Variants in SYN3 observed in about 807,000 individuals in gnomAD.
The protein encoded by SYN3 is synapsin-3.
Under a neutral mutation model 65.8 loss-of-function variants are expected in SYN3, and 35 were observed. The ratio of observed to expected loss-of-function variants is 0.53; its 90% confidence interval spans 0.41 to 0.70. The LOEUF is 0.70. Among genes scored for constraint, SYN3 ranks in the 30% least tolerant of loss-of-function variants. The pLI is 0.00. For synonymous variants in SYN3, 270 were observed against 292.9 expected (o/e 0.92, Z 0.80); for missense variants, 680 against 749.0 (o/e 0.91, Z 1.08).
rs545879595 is a variant in SYN3, at chr22:33,013,908, C to T, written c.-162-7084G>A. Among the ~76,000 whole-genome samples, 33 of 150,574 alleles carry T rather than the reference C, an allele frequency of 2.2e-4. 1 individual carries two copies. The South Asian group carries it at 6.1e-3, about 28-fold the overall frequency. On this transcript the variant is annotated intron_variant, in intron 1 of 13. Coordinates refer to ENST00000358763, the MANE Select transcript of SYN3 (RefSeq NM_003490.4). ...TAGCAAATAGCAGAATTTTCCCCTCCTTTTTTTTTGGTCTGAGATGGGGTC... is the reference window on the plus strand; with the variant it reads ...TAGCAAATAGCAGAATTTTCCCCTCTTTTTTTTTTGGTCTGAGATGGGGTC...
chr22:32,776,248 G>C (rs1324843354), intron 6 of SYN3, among the ~76,000 whole-genome samples: 1 of 152,094 alleles, frequency 6.6e-6, no homozygotes, highest in Non-Finnish European at 1.5e-5. Context: ...ATTGAGACCA[G>C]TTTGGGACTT....
chr22:32,936,814 T>A (rs539324084), intron 3 of SYN3, among the ~76,000 whole-genome samples: 141 of 152,236 alleles, frequency 9.3e-4, no homozygotes, highest in African/African-American at 3.2e-3. Flanking sequence ...AAACTAAAAG[T>A]CCCATTTCTC....
At chr22:32,956,139 C>T (rs115699982) in intron 3 of SYN3, among the ~76,000 whole-genome samples, 1,757 of 132,666 alleles carry the variant, frequency 0.013, 44 homozygotes, top group African/African-American at 0.048. Flanking sequence ...GAACCTGTCC[C>T]CCTCCCAGCC....
intron 7 of SYN3, among the ~76,000 whole-genome samples, chr22:32,553,899 A>C (rs1028877312): frequency 2.6e-5 from 4 of 152,144 alleles, no homozygotes; most frequent in Admixed American, 2.6e-4. Flanking sequence ...TATGGGAGAA[A>C]GGCTGGCTTT....
In SYN3 at chr22:32,925,294, G is replaced by A. The variant is rs79254686; in HGVS notation, c.461+6096C>T. On this transcript the variant is annotated intron_variant, in intron 4 of 13. Transcript: ENST00000358763. ...AGGACACCAGTCATATTGGATTAAG[G>A]GCTCACACTACTCCAGTATAACTGC... 5.8e-3 allele frequency among the ~76,000 whole-genome samples: 878 copies of A among 152,166 alleles called. 25 individuals carry two copies. The East Asian group carries it at 0.073, about 13-fold the overall frequency.
intron 2 of SYN3, among the ~76,000 whole-genome samples, chr22:32,988,307 AAATAAT>A (rs58058197): frequency 0.041 from 5,843 of 142,508 alleles, 196 homozygotes; most frequent in African/African-American, 0.087. Flanking sequence ...CTCTGTCTCA[AAATAAT>A]AATAATAATA....
intron 6 of SYN3, among the ~76,000 whole-genome samples, chr22:32,627,969 C>T (rs1443028427): frequency 6.6e-6 from 1 of 152,150 alleles, no homozygotes; most frequent in Non-Finnish European, 1.5e-5. Context: ...GCTGGGACTA[C>T]AGGCACATGC....
chr22:32,566,004 G>A lies in SYN3; in HGVS notation c.775-24291C>T, dbSNP rs934014635. On this transcript the variant is annotated intron_variant, in intron 7 of 13. Transcript: ENST00000358763. ...TAGGATTACAGGCATAAGCCACCGC[G>A]CCCAGCCTATTTTATTTTTTTAGAG... Among the ~76,000 whole-genome samples the A allele has an allele frequency of 5.9e-5, 9 of 151,898 alleles. 1 individual carries two copies. Among genetic ancestry groups the A allele is most frequent in the East Asian group, 3.9e-4 (2 of 5,176 alleles).
intron 6 of SYN3, among the ~76,000 whole-genome samples, chr22:32,623,114 G>T (rs899968587): frequency 6.6e-6 from 1 of 152,022 alleles, no homozygotes; most frequent in African/African-American, 2.4e-5. Context: ...GAGCATGAAA[G>T]TGAGATTGTG....
chr22:32,928,146 C>A (rs1208135283), intron 4 of SYN3, among the ~76,000 whole-genome samples: 1 of 152,152 alleles, frequency 6.6e-6, no homozygotes. Flanking sequence ...CTGGCTAACA[C>A]GGTGAAACCC....
At chr22:32,680,967 T>A (rs991349108) in intron 6 of SYN3, among the ~76,000 whole-genome samples, 1 of 152,234 alleles carries the variant, frequency 6.6e-6, no homozygotes, top group Non-Finnish European at 1.5e-5. Flanking sequence ...TCTCCACATA[T>A]CTTCACTTGT....
intron 6 of SYN3, among the ~76,000 whole-genome samples, chr22:32,711,882 C>T (rs2060971121): frequency 6.6e-6 from 1 of 152,280 alleles, no homozygotes; most frequent in South Asian, 2.1e-4. Context: ...AGGTGGAGAA[C>T]GAGGTACAGG....
At chr22:32,928,440 TG>T (rs2050538338) in intron 4 of SYN3, among the ~76,000 whole-genome samples, 1 of 152,250 alleles carries the variant, frequency 6.6e-6, no homozygotes, top group African/African-American at 2.4e-5. Context: ...AGCCTACAGT[TG>T]GGCAAAATCT....
At chr22:32,849,566 G>A in intron 6 of SYN3, 1 of 1,591,684 alleles carries the variant, frequency 6.3e-7, no homozygotes, top group African/African-American at 1.3e-5. Flanking sequence ...GCTCCGGGAA[G>A]GTTTTTGGGT....
At chr22:32,580,086 G>A (rs991236483) in intron 7 of SYN3, among the ~76,000 whole-genome samples, 1 of 152,248 alleles carries the variant, frequency 6.6e-6, no homozygotes, top group Non-Finnish European at 1.5e-5. Flanking sequence ...GCGGGGAGGG[G>A]AGCTGAGGTC....
At chr22:32,872,037 G>A (rs2048864450) in intron 4 of SYN3, among the ~76,000 whole-genome samples, 1 of 152,022 alleles carries the variant, frequency 6.6e-6, no homozygotes, top group East Asian at 1.9e-4. Flanking sequence ...ATTGCGTGTA[G>A]GTGCCTCGTC....
chr22:32,855,889 T>C (rs907292017), intron 6 of SYN3, among the ~76,000 whole-genome samples: 10 of 152,240 alleles, frequency 6.6e-5, no homozygotes, highest in Non-Finnish European at 1.5e-4. Context: ...CGTGGTTCAA[T>C]CTAACAATTA....
At chr22:32,524,892 C>A (rs932466261) in intron 12 of SYN3, among the ~76,000 whole-genome samples, 1 of 152,106 alleles carries the variant, frequency 6.6e-6, no homozygotes, top group Non-Finnish European at 1.5e-5. Context: ...GCCTGTAATC[C>A]CAGCTACTTG....
chr22:32,782,387 A>G (rs2046089301), intron 6 of SYN3, among the ~76,000 whole-genome samples: 1 of 152,072 alleles, frequency 6.6e-6, no homozygotes, highest in South Asian at 2.1e-4. Context: ...TTTTTAGTAG[A>G]CATGGGGCTT....
Sources: allele counts gnomAD v4.1 joint callset (sites outside exome capture counted in the v4.1 genomes callset), GRCh38; gene constraint gnomAD v4.1.1; transcripts MANE v1.5; gene names NCBI Gene and HGNC (gene_info 2026-07-23, HGNC 2026-07-21).